PTPRT: variants seen among roughly 807,000 people sequenced by gnomAD.
PTPRT encodes receptor-type tyrosine-protein phosphatase T.
In PTPRT, 56 loss-of-function variants were observed where a neutral mutation model predicts 176.8. That is an observed-to-expected ratio of 0.32 (90% CI 0.26 to 0.40). PTPRT has a LOEUF of 0.40. Ranked by LOEUF, PTPRT falls within the 10% of genes least tolerant of loss-of-function variation. PTPRT has a pLI of 1.00. For missense variants in PTPRT, 1,540 were observed against 1,908.2 expected (o/e 0.81, Z 3.60); for synonymous variants, 783 against 739.0 (o/e 1.06, Z -0.96).
intron 20 of PTPRT, among the ~76,000 whole-genome samples, chr20:42,119,013 GA>G (rs11415242): frequency 0.055 from 1,604 of 29,114 alleles, 4 homozygotes; most frequent in Non-Finnish European, 0.06. Flanking sequence ...AGAAAGGAAG[GA>G]AAAAAAAAAA....
chr20:42,809,660 C>T (rs944206242), intron 2 of PTPRT, among the ~76,000 whole-genome samples: 1 of 152,088 alleles, frequency 6.6e-6, no homozygotes, highest in Non-Finnish European at 1.5e-5. Flanking sequence ...TCTTGCAGCC[C>T]GTGGTGGTGT....
chr20:42,645,466 A>T (rs951838270), intron 7 of PTPRT, among the ~76,000 whole-genome samples: 1 of 152,110 alleles, frequency 6.6e-6, no homozygotes, highest in Non-Finnish European at 1.5e-5. Context: ...ATTGGTCTTT[A>T]TTCCCTTCCC....
At chr20:42,985,239 G>A (rs1172515548) in intron 1 of PTPRT, among the ~76,000 whole-genome samples, 2 of 152,268 alleles carry the variant, frequency 1.3e-5, no homozygotes, top group East Asian at 3.9e-4. Flanking sequence ...GCTCACACCT[G>A]TAATCCCAGC....
At chr20:42,650,654 TGCATTTCTGTCTTGGCTCTGCAG>T (rs1184110157) in intron 7 of PTPRT, among the ~76,000 whole-genome samples, 1 of 152,188 alleles carries the variant, frequency 6.6e-6, no homozygotes, top group Non-Finnish European at 1.5e-5. Context: ...CTCTGCTGCT[TGCATTTCTGTCTTGGCTCTGCAG>T]GGACAATAAA....
At chr20:42,188,719 A>G (rs957521671) in intron 16 of PTPRT, among the ~76,000 whole-genome samples, 5 of 152,130 alleles carry the variant, frequency 3.3e-5, no homozygotes, top group Non-Finnish European at 7.4e-5. Flanking sequence ...TTACTTTAAC[A>G]AGCACTTTTT....
At chr20:42,033,932 A>G in the PTPRT span, among the ~76,000 whole-genome samples, 1 of 152,176 alleles carries the variant, frequency 6.6e-6, no homozygotes, top group Admixed American at 6.5e-5. Context: ...ATAAGTCCTA[A>G]TTATGGTCCC....
chr20:42,607,967 C>G (rs763012115), intron 7 of PTPRT, among the ~76,000 whole-genome samples: 5 of 152,168 alleles, frequency 3.3e-5, no homozygotes, highest in Non-Finnish European at 5.9e-5. Context: ...ATGACACTGG[C>G]CGTGTGTCAC....
At chr20:42,783,759 C>T (rs1454798744) in intron 3 of PTPRT, among the ~76,000 whole-genome samples, 1 of 152,086 alleles carries the variant, frequency 6.6e-6, no homozygotes, top group East Asian at 1.9e-4. Context: ...TCAACCACGG[C>T]CCTTGAGGAA....
chr20:43,186,687 C>T lies in PTPRT; in HGVS notation c.88+2959G>A, dbSNP rs907318508. Among the ~76,000 whole-genome samples the T allele has an allele frequency of 8.5e-5, 13 of 152,168 alleles. No individual in the cohort carries two copies. The East Asian group carries it at 2.1e-3, about 25-fold the overall frequency. On this transcript the variant is annotated intron_variant, in intron 1 of 30. Transcript: ENST00000373187. Reference sequence around the variant, plus strand: ...ATGGTCTGCTTTTACTATGTGTTTGCGATTGTTGCTGGAACAGAATTTAAG... The same window carrying T: ...ATGGTCTGCTTTTACTATGTGTTTGTGATTGTTGCTGGAACAGAATTTAAG...
At chr20:42,773,377 C>A (rs2077090168) in intron 4 of PTPRT, among the ~76,000 whole-genome samples, 1 of 152,150 alleles carries the variant, frequency 6.6e-6, no homozygotes, top group Non-Finnish European at 1.5e-5. Flanking sequence ...TATGATGAGT[C>A]TGACACTGTT....
chr20:42,641,763 G>GAGGCA (rs746150802), intron 7 of PTPRT, among the ~76,000 whole-genome samples: 1 of 152,152 alleles, frequency 6.6e-6, no homozygotes, highest in Non-Finnish European at 1.5e-5. Context: ...GTGGTAAAGA[G>GAGGCA]AGGCAAGGCA....
At chr20:42,385,171 T>C (rs1600931705) in intron 9 of PTPRT, among the ~76,000 whole-genome samples, 2 of 152,204 alleles carry the variant, frequency 1.3e-5, no homozygotes, top group Non-Finnish European at 2.9e-5. Flanking sequence ...ACCAATGTCA[T>C]GGAGCTTTCC....
intron 17 of PTPRT, among the ~76,000 whole-genome samples, chr20:42,156,398 T>C (rs1459168033): frequency 6.6e-6 from 1 of 152,230 alleles, no homozygotes; most frequent in Non-Finnish European, 1.5e-5. Flanking sequence ...GGCCTGGTCC[T>C]AGGTCCTTGT....
At chr20:43,094,150 C>T (rs544009818) in intron 1 of PTPRT, among the ~76,000 whole-genome samples, 29 of 147,876 alleles carry the variant, frequency 2.0e-4, no homozygotes, top group South Asian at 4.3e-4. Flanking sequence ...TGCAGTGGCG[C>T]GATCTAGGCT....
intron 1 of PTPRT, among the ~76,000 whole-genome samples, chr20:42,950,596 G>T (rs1196753162): frequency 2.0e-5 from 3 of 152,150 alleles, no homozygotes; most frequent in African/African-American, 7.2e-5. Context: ...GTGTTCTGGG[G>T]TGGTAACCAA....
chr20:42,420,093 C>A (rs1307103535), intron 9 of PTPRT, among the ~76,000 whole-genome samples: 1 of 152,156 alleles, frequency 6.6e-6, no homozygotes, highest in Non-Finnish European at 1.5e-5. Context: ...GAATGAATGT[C>A]TGCTGTCTAA....
chr20:42,128,314 T>G (rs77219152), intron 19 of PTPRT, among the ~76,000 whole-genome samples: 300 of 152,288 alleles, frequency 2.0e-3, no homozygotes, highest in Non-Finnish European at 3.4e-3. Flanking sequence ...ATTTCTACTT[T>G]GCCCTGGAAT....
chr20:42,439,773 G>A (rs771182678), intron 9 of PTPRT, among the ~76,000 whole-genome samples: 8 of 152,090 alleles, frequency 5.3e-5, no homozygotes, highest in Non-Finnish European at 1.0e-4. Context: ...TATGGATAGC[G>A]CCCCCTCCCC....
chr20:42,314,369 A>T (rs181999828), intron 12 of PTPRT, among the ~76,000 whole-genome samples: 1 of 151,990 alleles, frequency 6.6e-6, no homozygotes, highest in African/African-American at 2.4e-5. Context: ...TCTACCAAAA[A>T]TACAAAAAAA....
Sources: gnomAD v4.1 joint callset for allele counts (sites outside exome capture counted in the v4.1 genomes callset) on GRCh38, gnomAD v4.1.1 for gene constraint, MANE v1.5 for transcripts, NCBI Gene and HGNC (gene_info 2026-07-23, HGNC 2026-07-21) for gene names.